Variants in ATE1 observed in about 807,000 individuals in gnomAD.
The protein encoded by ATE1 is arginyl-tRNA--protein transferase 1.
Under a neutral mutation model 70.5 loss-of-function variants are expected in ATE1, and 36 were observed. The observed-to-expected ratio is 0.51, with a 90% confidence interval of 0.39 to 0.67. The LOEUF is 0.67. Ranked by LOEUF, ATE1 falls within the 30% of genes least tolerant of loss-of-function variation. The pLI is 0.00. For missense variants in ATE1, 593 were observed against 629.5 expected (o/e 0.94, Z 0.62); for synonymous variants, 232 against 219.3 (o/e 1.06, Z -0.51).
intron 10 of ATE1, among the ~76,000 whole-genome samples, chr10:121,819,764 T>C (rs1168133356): frequency 6.9e-6 from 1 of 144,840 alleles, no homozygotes; most frequent in Non-Finnish European, 1.5e-5. Flanking sequence ...ATCTCAGAAA[T>C]CACCACTAAA....
chr10:121,882,196 ACTT>A (rs201395537), intron 7 of ATE1, among the ~76,000 whole-genome samples: 3 of 148,058 alleles, frequency 2.0e-5, no homozygotes, highest in Non-Finnish European at 3.0e-5. Context: ...TTTGAATATT[ACTT>A]CTTTTTTTAT....
chr10:121,923,628 C>T (rs1368444874), intron 2 of ATE1, among the ~76,000 whole-genome samples: 2 of 152,104 alleles, frequency 1.3e-5, no homozygotes, highest in Admixed American at 6.6e-5. Context: ...CAAGTATTAG[C>T]GTACAGTATT....
At chr10:121,792,434 T>C (rs1449664307) in intron 10 of ATE1, among the ~76,000 whole-genome samples, 1 of 152,208 alleles carries the variant, frequency 6.6e-6, no homozygotes, top group Non-Finnish European at 1.5e-5. Flanking sequence ...GTCAGGTCTC[T>C]GACTCAGCTT....
chr10:121,760,598 T>C (rs1944999898), intron 11 of ATE1, among the ~76,000 whole-genome samples: 1 of 152,228 alleles, frequency 6.6e-6, no homozygotes. Context: ...GGAGGAGTTG[T>C]TTCTTATGGA....
chr10:121,856,269 C>T (rs575383898), intron 8 of ATE1, among the ~76,000 whole-genome samples: 1 of 152,070 alleles, frequency 6.6e-6, no homozygotes, highest in Non-Finnish European at 1.5e-5. Flanking sequence ...GTGGCTTACA[C>T]CTGTAATCCC....
rs373342258 is a variant in ATE1, at chr10:121,824,102, T to C, written c.1257+12616A>G. On this transcript the variant is annotated intron_variant, in intron 10 of 11. Transcript: ENST00000224652. ...GAATTTGTGATGACCATGAGAATTC[T>C]TTTACCTCCCACTACCTCTAGGGGG... 1.1e-4 allele frequency among the ~76,000 whole-genome samples: 16 copies of C among 152,300 alleles called. No individual in the cohort carries two copies. In the East Asian group the frequency reaches 3.1e-3, roughly 29 times the overall value.
chr10:121,814,278 A>G (rs1947447105), intron 10 of ATE1, among the ~76,000 whole-genome samples: 1 of 152,252 alleles, frequency 6.6e-6, no homozygotes, highest in Non-Finnish European at 1.5e-5. Context: ...AAAGGCAGAC[A>G]GGAAGGGATC....
At chr10:121,804,583 T>G (rs911583975) in intron 10 of ATE1, among the ~76,000 whole-genome samples, 6 of 152,206 alleles carry the variant, frequency 3.9e-5, no homozygotes, top group Admixed American at 3.9e-4. Flanking sequence ...ATTATACTTT[T>G]GGGCGTAAAT....
chr10:121,871,316 G>C (rs1482633317), intron 7 of ATE1, among the ~76,000 whole-genome samples: 3 of 152,060 alleles, frequency 2.0e-5, no homozygotes, highest in Non-Finnish European at 4.4e-5. Context: ...AAAATTAGCT[G>C]TGTGTGGTAG....
intron 11 of ATE1, among the ~76,000 whole-genome samples, chr10:121,784,156 A>T (rs1021208711): frequency 1.2e-4 from 19 of 152,236 alleles, no homozygotes; most frequent in Non-Finnish European, 2.8e-4. Context: ...CTGCTTTTCA[A>T]ACCTGTCTGG....
At chr10:121,853,901 AG>A (rs1198084004) in intron 8 of ATE1, among the ~76,000 whole-genome samples, 1 of 152,206 alleles carries the variant, frequency 6.6e-6, no homozygotes, top group African/African-American at 2.4e-5. Context: ...ACATGATGGT[AG>A]GGGAAGGTAG....
At chr10:121,884,529 G>A (rs147070921) in intron 7 of ATE1, among the ~76,000 whole-genome samples, 90 of 152,196 alleles carry the variant, frequency 5.9e-4, no homozygotes, top group African/African-American at 2.0e-3. Context: ...GTTCAAGGCT[G>A]CCGTGAGCTA....
At position 121,899,914 on chromosome 10, in the gene ATE1, G is replaced by GT. The variant is rs763630233; in HGVS notation, c.893dup (p.Tyr298Ter). ...LLESYQVYKR[Y>*]QMVIHKNPPD... ...GTGGGTTCTTGTGAATAACCATCTGGTAACGTTTATAGACCTGGTAAGACT... is the reference window on the plus strand; with the variant it reads ...GTGGGTTCTTGTGAATAACCATCTGGTTAACGTTTATAGACCTGGTAAGACT... Residue 298 changes from tyrosine to a stop codon, truncating the protein, a stop_gained and frameshift_variant, in exon 7 of 12, where the codon TAC (tyrosine) becomes TAAC (stop). Transcript: ENST00000224652. LOFTEE classifies it high-confidence loss of function. 1.4e-5 allele frequency: 22 copies of GT among 1,613,714 alleles called. No individual in the cohort carries two copies. The highest frequency in any genetic ancestry group is 1.9e-5 in the Non-Finnish European group (22 of 1,179,714).
chr10:121,763,250 G>A (rs749840950), intron 11 of ATE1, among the ~76,000 whole-genome samples: 7 of 152,064 alleles, frequency 4.6e-5, no homozygotes, highest in East Asian at 3.8e-4. Flanking sequence ...TAGTAATTGC[G>A]CTTCTTGGTA....
chr10:121,891,423 T>G (rs1447301461), intron 7 of ATE1, among the ~76,000 whole-genome samples: 1 of 152,138 alleles, frequency 6.6e-6, no homozygotes, highest in Non-Finnish European at 1.5e-5. Flanking sequence ...GAGACCATAT[T>G]GAATATACCT....
chr10:121,875,101 T>G (rs1333629969), intron 7 of ATE1, among the ~76,000 whole-genome samples: 1 of 134,044 alleles, frequency 7.5e-6, no homozygotes, highest in Non-Finnish European at 1.5e-5. Context: ...ACCGCACCAC[T>G]GCACTCCAGC....
At position 121,743,634 on chromosome 10, in the gene ATE1, C is replaced by G; in HGVS notation, c.*46G>C. Reference sequence around the variant, plus strand: ...CAGGTACTGAATATGTATCCTGGCACAAATCATCAGCACAACACAGGAACT... The same window carrying G: ...CAGGTACTGAATATGTATCCTGGCAGAAATCATCAGCACAACACAGGAACT... On this transcript the variant is annotated 3_prime_UTR_variant, in exon 12 of 12. Transcript: ENST00000224652. 2 of 1,521,854 alleles carry G rather than the reference C, an allele frequency of 1.3e-6. No individual in the cohort carries two copies. The highest frequency in any genetic ancestry group is 1.8e-6 in the Non-Finnish European group (2 of 1,137,972). 94.3% of individuals were successfully genotyped at this position (1,521,854 alleles called of 1,614,324 possible). A position where few individuals can be genotyped will look rare whatever the true frequency, so the allele number is the denominator to read the frequency against.
chr10:121,832,001 C>G (rs1461127255), intron 10 of ATE1, among the ~76,000 whole-genome samples: 1 of 152,186 alleles, frequency 6.6e-6, no homozygotes, highest in Non-Finnish European at 1.5e-5. Context: ...AAATTACAGT[C>G]TTAGCTTCTG....
chr10:121,823,394 G>A (rs1947879725), intron 10 of ATE1, among the ~76,000 whole-genome samples: 1 of 152,208 alleles, frequency 6.6e-6, no homozygotes, highest in Non-Finnish European at 1.5e-5. Context: ...AGAAGGTGAA[G>A]GTGAAGTGGG....
Sources: allele counts gnomAD v4.1 joint callset (sites outside exome capture counted in the v4.1 genomes callset), GRCh38; gene constraint gnomAD v4.1.1; transcripts MANE v1.5; gene names NCBI Gene and HGNC (gene_info 2026-07-23, HGNC 2026-07-21).